The following THSD7B variants were observed in gnomAD, a reference collection of about 807,000 sequenced individuals.
THSD7B encodes thrombospondin type 1 domain containing 7B, also known as thrombospondin type-1 domain-containing protein 7B.
Under a neutral mutation model 213.6 loss-of-function variants are expected in THSD7B, and 138 were observed. The observed-to-expected ratio is 0.65, with a 90% CI of 0.56 to 0.74. The LOEUF is 0.74. Among genes scored for constraint, THSD7B ranks in the 30% least tolerant of loss-of-function variants. THSD7B has a pLI of 0.00. For synonymous variants in THSD7B, 742 were observed against 687.0 expected (o/e 1.08, Z -1.25); for missense variants, 1,931 against 1,991.5 (o/e 0.97, Z 0.58).
chr2:137,448,248 T>C (rs906302998), intron 14 of THSD7B, among the ~76,000 whole-genome samples: 8 of 152,190 alleles, frequency 5.3e-5, no homozygotes, highest in African/African-American at 1.9e-4. Flanking sequence ...GGAAGACAAT[T>C]GGACCAAACT....
intron 2 of THSD7B, among the ~76,000 whole-genome samples, chr2:136,978,745 C>T (rs1284656858): frequency 6.6e-6 from 1 of 152,098 alleles, no homozygotes; most frequent in Admixed American, 6.5e-5. Context: ...ATCCAGCTTG[C>T]CATTCTTTGT....
At chr2:137,532,377 G>C (rs574794773) in intron 15 of THSD7B, among the ~76,000 whole-genome samples, 12 of 151,790 alleles carry the variant, frequency 7.9e-5, no homozygotes, top group African/African-American at 2.9e-4. Context: ...AAAAAATCTA[G>C]TTATAGAAAA....
intron 2 of THSD7B, among the ~76,000 whole-genome samples, chr2:136,899,917 G>T (rs1573698555): frequency 6.6e-6 from 1 of 152,256 alleles, no homozygotes. Context: ...AGCATGTCTT[G>T]TTTGGCTGGT....
intron 12 of THSD7B, among the ~76,000 whole-genome samples, chr2:137,287,562 A>G (rs924009173): frequency 6.6e-6 from 1 of 152,176 alleles, no homozygotes; most frequent in African/African-American, 2.4e-5. Context: ...TTAAAAATAA[A>G]TATTAAAAGA....
At chr2:136,870,902 A>T (rs184945797) in intron 1 of THSD7B, among the ~76,000 whole-genome samples, 1 of 152,224 alleles carries the variant, frequency 6.6e-6, no homozygotes, top group Non-Finnish European at 1.5e-5. Flanking sequence ...TGAGGAATGC[A>T]TAGAAGGAAA....
intron 15 of THSD7B, among the ~76,000 whole-genome samples, chr2:137,503,807 A>T (rs1679769081): frequency 6.6e-6 from 1 of 152,028 alleles, no homozygotes; most frequent in Non-Finnish European, 1.5e-5. Flanking sequence ...CAGGTGAATC[A>T]CAAGGTCAAG....
chr2:137,033,758 G>A (rs997698612), intron 2 of THSD7B, among the ~76,000 whole-genome samples: 2 of 151,906 alleles, frequency 1.3e-5, no homozygotes, highest in African/African-American at 4.8e-5. Flanking sequence ...GACTACAGGT[G>A]CGCACCATCA....
intron 2 of THSD7B, among the ~76,000 whole-genome samples, chr2:136,911,058 A>G (rs900220990): frequency 2.0e-5 from 3 of 152,220 alleles, no homozygotes; most frequent in Non-Finnish European, 4.4e-5. Flanking sequence ...TATGAAGATC[A>G]TGCTTTGTTC....
intron 12 of THSD7B, among the ~76,000 whole-genome samples, chr2:137,288,870 G>A (rs995812943): frequency 2.6e-5 from 4 of 151,722 alleles, no homozygotes; most frequent in Admixed American, 6.6e-5. Context: ...AGCACAGAGG[G>A]CATGTAAAGG....
At chr2:137,321,241 C>T (rs1489532686) in intron 12 of THSD7B, among the ~76,000 whole-genome samples, 3 of 152,126 alleles carry the variant, frequency 2.0e-5, no homozygotes, top group African/African-American at 7.2e-5. Context: ...CTCTTATAGG[C>T]TAAATTATGT....
intron 2 of THSD7B, among the ~76,000 whole-genome samples, chr2:136,956,219 C>G (rs1023178999): frequency 2.6e-4 from 40 of 152,202 alleles, no homozygotes; most frequent in African/African-American, 8.9e-4. Flanking sequence ...CTCAAAAGAA[C>G]TTTGTAAAGC....
At chr2:136,859,931 C>A (rs1411230003) in intron 1 of THSD7B, among the ~76,000 whole-genome samples, 7 of 151,482 alleles carry the variant, frequency 4.6e-5, no homozygotes, top group Non-Finnish European at 1.0e-4. Context: ...GTAAGAGAAA[C>A]CAAATCATTC....
At chr2:137,344,707 A>C (rs1253206769) in intron 12 of THSD7B, among the ~76,000 whole-genome samples, 4 of 151,644 alleles carry the variant, frequency 2.6e-5, no homozygotes, top group Non-Finnish European at 5.9e-5. Flanking sequence ...CTCCTAAAAC[A>C]AGGGTGCACC....
intron 9 of THSD7B, among the ~76,000 whole-genome samples, chr2:137,240,650 A>G (rs1356897331): frequency 1.3e-5 from 2 of 152,132 alleles, no homozygotes; most frequent in Non-Finnish European, 2.9e-5. Context: ...AGCTAGGACT[A>G]CAGGCATGTA....
At chr2:137,001,523 G>A (rs1006988880) in intron 2 of THSD7B, among the ~76,000 whole-genome samples, 2 of 152,074 alleles carry the variant, frequency 1.3e-5, no homozygotes, top group African/African-American at 4.8e-5. Flanking sequence ...TTGGTTTTGA[G>A]CTCAGGAGGA....
At chr2:137,390,813 T>C (rs911076035) in intron 12 of THSD7B, among the ~76,000 whole-genome samples, 4 of 152,210 alleles carry the variant, frequency 2.6e-5, no homozygotes, top group Admixed American at 2.6e-4. Context: ...TTAAATTCTC[T>C]TTACGTGCTG....
chr2:137,486,661 A>G (rs1688452473), intron 15 of THSD7B, among the ~76,000 whole-genome samples: 1 of 151,402 alleles, frequency 6.6e-6, no homozygotes, highest in Middle Eastern at 3.2e-3. Context: ...CATCTACAGA[A>G]CTCTCCACCC....
chr2:136,967,307 A>G (rs190442913), intron 2 of THSD7B, among the ~76,000 whole-genome samples: 1 of 152,160 alleles, frequency 6.6e-6, no homozygotes, highest in Admixed American at 6.5e-5. Context: ...GGGTTGCCCT[A>G]CTGTTTTCAA....
chr2:137,425,074 A>AAATAAT (rs539396572), intron 14 of THSD7B, among the ~76,000 whole-genome samples: 851 of 77,876 alleles, frequency 0.011, 9 homozygotes, highest in East Asian at 0.046. Context: ...TCTGTCTCAA[A>AAATAAT]AATAATAATA....
Sources: gnomAD v4.1 joint callset for allele counts (sites outside exome capture counted in the v4.1 genomes callset) on GRCh38, gnomAD v4.1.1 for gene constraint, MANE v1.5 for transcripts, NCBI Gene and HGNC (gene_info 2026-07-23, HGNC 2026-07-21) for gene names.